The following TYMS variants were observed in gnomAD, a reference collection of about 807,000 sequenced individuals.
TYMS encodes thymidylate synthetase.
In TYMS, 21 loss-of-function variants were observed where a neutral mutation model predicts 39.3. The observed-to-expected ratio is 0.54, with a 90% CI of 0.38 to 0.77. The LOEUF (loss-of-function observed/expected upper bound fraction) is 0.77, where lower values mean the gene tolerates loss of function less well. Among genes scored for constraint, TYMS ranks in the 30% least tolerant of loss-of-function variants. The pLI is 0.00. For synonymous variants in TYMS, 171 were observed against 162.2 expected (o/e 1.05, Z -0.41); for missense variants, 273 against 406.7 (o/e 0.67, Z 2.83).
chr18:666,894 T>C (rs2074826480), intron 3 of TYMS, among the ~76,000 whole-genome samples: 1 of 51,334 alleles, frequency 1.9e-5, no homozygotes, highest in Admixed American at 1.7e-4. Flanking sequence ...GTTCGGGAGA[T>C]GGTGATGGAG....
chr18:663,009 A>G (rs556995472), intron 3 of TYMS, among the ~76,000 whole-genome samples: 1 of 142,838 alleles, frequency 7.0e-6, no homozygotes, highest in Admixed American at 6.9e-5. Context: ...GCATGATTTA[A>G]TAGTCCTTTG....
At chr18:669,404 G>C in intron 4 of TYMS, 1 of 366,042 alleles carries the variant, frequency 2.7e-6, no homozygotes. Context: ...ACAGAGTTTT[G>C]CTCTGTTGCC....
intron 3 of TYMS, among the ~76,000 whole-genome samples, chr18:666,601 A>G (rs2612096): frequency 0.55 from 83,856 of 152,046 alleles, 24,705 homozygotes; most frequent in African/African-American, 0.78. Context: ...CAGGTGTCTC[A>G]TCTAAGGGGA....
intron 3 of TYMS, among the ~76,000 whole-genome samples, chr18:668,496 G>A (rs1401437138): frequency 6.6e-6 from 1 of 152,186 alleles, no homozygotes; most frequent in Non-Finnish European, 1.5e-5. Flanking sequence ...GAGGTTTCCT[G>A]ATGTTTCCAA....
At chr18:666,385 C>A (rs2074816718) in intron 3 of TYMS, among the ~76,000 whole-genome samples, 1 of 152,118 alleles carries the variant, frequency 6.6e-6, no homozygotes, top group Non-Finnish European at 1.5e-5. Context: ...GGGTCACACT[C>A]CACTCCCAGC....
intron 6 of TYMS, 86 bp downstream of exon 6, chr18:671,537 G>A: frequency 2.3e-6 from 2 of 887,774 alleles, no homozygotes; most frequent in South Asian, 2.8e-5. Context: ...TCAATGCTGT[G>A]TCCAAGATAA....
At chr18:670,042 CTTATT>C (rs1335223763) in intron 4 of TYMS, among the ~76,000 whole-genome samples, 1 of 128,582 alleles carries the variant, frequency 7.8e-6, no homozygotes, top group African/African-American at 3.4e-5. Flanking sequence ...GTAATAGAGA[CTTATT>C]TTTTTTTTTT....
Position 658,953 on chromosome 18 carries a change from G to A in TYMS, c.206-688G>A, listed in dbSNP as rs2074726201. On this transcript the variant is annotated intron_variant, in intron 1 of 6. Coordinates refer to ENST00000323274, the MANE Select transcript of TYMS (RefSeq NM_001071.4). This position sits in a 1 kb window ranked among gnomAD's most constrained non-coding sequence, Gnocchi z 4.5. ...GCTGATTGGCGTGGGACAGCGTGGGGAGTTTTGTCTGAGGAGAGGGATCCA... is the reference window on the plus strand; with the variant it reads ...GCTGATTGGCGTGGGACAGCGTGGGAAGTTTTGTCTGAGGAGAGGGATCCA... 6.6e-6 allele frequency among the ~76,000 whole-genome samples: 1 copy of A among 152,210 alleles called. No homozygotes were observed. Among genetic ancestry groups the A allele is most frequent in the Non-Finnish European group, 1.5e-5 (1 of 68,044 alleles).
rs769356911 is a variant in TYMS, at chr18:657,871, C to T, written c.129C>T (p.Cys43=). The T allele has an allele frequency of 2.7e-6, 4 of 1,508,720 alleles. No individual in the cohort carries two copies. The highest frequency in any genetic ancestry group is 1.8e-4 in the Middle Eastern group (1 of 5,612). 93.5% of individuals were successfully genotyped at this position (1,508,720 alleles called of 1,614,324 possible). A position where few individuals can be genotyped will look rare whatever the true frequency, so the allele number is the denominator to read the frequency against. ...YLGQIQHILR[C]GVRKDDRTGT... Reference sequence around the variant, plus strand: ...GGCAGATCCAACACATCCTCCGCTGCGGCGTCAGGAAGGACGACCGCACGG... The same window carrying T: ...GGCAGATCCAACACATCCTCCGCTGTGGCGTCAGGAAGGACGACCGCACGG... Residue 43 remains cysteine (C), a synonymous_variant, in exon 1 of 7, where the codon TGC becomes TGT. Transcript: ENST00000323274.
At chr18:667,992 ATTTTTT>A (rs60409589) in intron 3 of TYMS, among the ~76,000 whole-genome samples, 3 of 105,388 alleles carry the variant, frequency 2.8e-5, no homozygotes, top group South Asian at 3.5e-4. Flanking sequence ...ATTCACAGGA[ATTTTTT>A]TTTTTTTTTT....
rs201958231 is a variant in TYMS at position 657,820 on chromosome 18, G to A, written c.78G>A (p.Pro26=). The A allele has an allele frequency of 1.4e-6, 2 of 1,466,494 alleles. No individual in the cohort carries two copies. The highest frequency in any genetic ancestry group is 1.8e-4 in the Middle Eastern group (1 of 5,606). 90.8% of individuals were successfully genotyped at this position (1,466,494 alleles called of 1,614,324 possible). Residue 26 remains proline (P), a synonymous_variant, in exon 1 of 7, where the codon CCG becomes CCA. Transcript: ENST00000323274. ...AGGAGCGGGACGCCGAGCCGCGTCC[G>A]CCGCACGGGGAGCTGCAGTACCTGG... ...AAQERDAEPR[P]PHGELQYLGQ... is the part of the protein sequence containing the mutation.
intron 3 of TYMS, among the ~76,000 whole-genome samples, chr18:664,851 CATCCCAGGG>C (rs1412232607): frequency 1.4e-5 from 2 of 139,680 alleles, no homozygotes; most frequent in African/African-American, 5.8e-5. Context: ...ACCAGCCTTG[CATCCCAGGG>C]ATGAAGCCCA....
In TYMS at chr18:658,037, C is replaced by G; in HGVS notation, c.205+90C>G. The G allele has an allele frequency of 1.9e-6, 3 of 1,543,506 alleles. No individual in the cohort carries two copies. Among genetic ancestry groups the G allele is most frequent in the Non-Finnish European group, 2.6e-6 (3 of 1,146,134 alleles). On this transcript the variant is annotated intron_variant, in intron 1 of 6. Coordinates refer to ENST00000323274, the MANE Select transcript of TYMS (RefSeq NM_001071.4). The surrounding 1 kb of genome is among the most constrained non-coding windows in gnomAD (Gnocchi z 4.5). ...TCGGGAGCTGCCGGGCGCTGCGGAC[C>G]CCGTTTAGTCCTAACCTCAATCCTG...
At chr18:671,607 G>C in intron 6 of TYMS, 156 bp downstream of exon 6, 1 of 659,596 alleles carries the variant, frequency 1.5e-6, no homozygotes, top group Non-Finnish European at 2.7e-6. Context: ...AGGTGGGCAG[G>C]ACAAGGCAGG....
chr18:670,614 C>A, intron 4 of TYMS, 78 bp from the exon 5 acceptor site: 1 of 1,515,844 alleles, frequency 6.6e-7, no homozygotes, highest in Non-Finnish European at 9.0e-7. Context: ...GCTTCTGTTT[C>A]TCTCCTGTTT....
At position 662,081 on chromosome 18, in the gene TYMS, G is replaced by A. The variant is rs573898550; in HGVS notation, c.280-65G>A. 3.3e-6 allele frequency: 5 copies of A among 1,513,920 alleles called. No homozygotes were observed. In the South Asian group the frequency reaches 6.6e-5, roughly 20 times the overall value. 93.8% of individuals were successfully genotyped at this position (1,513,920 alleles called of 1,614,324 possible). A position where few individuals can be genotyped will look rare whatever the true frequency, so the allele number is the denominator to read the frequency against. Reference sequence around the variant, plus strand: ...GAGGCCCTTGTAAGTGGTGTCTCGGGGGGATCAACTGAGATGGCTTAGGAT... The same window carrying A: ...GAGGCCCTTGTAAGTGGTGTCTCGGAGGGATCAACTGAGATGGCTTAGGAT... On this transcript the variant is annotated intron_variant, in intron 2 of 6. Transcript: ENST00000323274.
At chr18:668,124 G>C (rs747382151) in intron 3 of TYMS, among the ~76,000 whole-genome samples, 1 of 150,954 alleles carries the variant, frequency 6.6e-6, no homozygotes. Flanking sequence ...GTCAGATTTT[G>C]CTAGTTTTAC....
chr18:664,427 TG>T (rs1194699750), intron 3 of TYMS, among the ~76,000 whole-genome samples: 3 of 145,670 alleles, frequency 2.1e-5, no homozygotes, highest in Admixed American at 2.0e-4. Context: ...GCTGAGACAA[TG>T]GGGTTTTCTA....
chr18:668,653 T>A (rs534524137), intron 3 of TYMS, among the ~76,000 whole-genome samples: 1 of 152,332 alleles, frequency 6.6e-6, no homozygotes, highest in Admixed American at 6.5e-5. Flanking sequence ...GATACAACAC[T>A]CTCTGTGAGA....
Sources: allele counts gnomAD v4.1 joint callset (sites outside exome capture counted in the v4.1 genomes callset), GRCh38; gene constraint gnomAD v4.1.1; non-coding constraint Gnocchi (gnomAD v3.1); transcripts MANE v1.5; gene names NCBI Gene and HGNC (gene_info 2026-07-23, HGNC 2026-07-21).